Variants in VPS13A observed in about 807,000 individuals in gnomAD.
VPS13A encodes intermembrane lipid transfer protein VPS13A.
Under a neutral mutation model 390.9 loss-of-function variants are expected in VPS13A, and 264 were observed. That is an observed-to-expected ratio of 0.68 (90% CI 0.61 to 0.75). VPS13A has a LOEUF of 0.75. VPS13A is among the 30% of genes least tolerant of loss of function. The pLI, the probability that VPS13A is intolerant of heterozygous loss-of-function variation, is 0.00. For synonymous variants in VPS13A, 1,231 were observed against 1,227.1 expected, an observed-to-expected ratio of 1.00 and a Z score of -0.07; for missense variants, 3,409 against 3,733.9, an observed-to-expected ratio of 0.91 and a Z score of 2.27.
intron 45 of VPS13A, among the ~76,000 whole-genome samples, chr9:77,326,803 C>T (rs1168179101): frequency 6.6e-6 from 1 of 152,054 alleles, no homozygotes; most frequent in African/African-American, 2.4e-5. Flanking sequence ...TATATCAGAA[C>T]CAGACTTCAT....
At chr9:77,382,287 A>C (rs982055078) in intron 68 of VPS13A, 200 bp downstream of exon 68, 8 of 1,527,406 alleles carry the variant, frequency 5.2e-6, no homozygotes, top group Non-Finnish European at 7.0e-6. Context: ...AGGCATCAAA[A>C]AGTTTGATAT....
intron 1 of VPS13A, among the ~76,000 whole-genome samples, chr9:77,179,634 A>G (rs1294496914): frequency 1.3e-5 from 2 of 151,000 alleles, no homozygotes; most frequent in Non-Finnish European, 2.9e-5. Flanking sequence ...TGTGAACATA[A>G]TTGTTATTTC....
At chr9:77,381,513 A>G (rs925916025) in intron 67 of VPS13A, among the ~76,000 whole-genome samples, 9 of 152,164 alleles carry the variant, frequency 5.9e-5, no homozygotes, top group African/African-American at 1.9e-4. Context: ...AAGATTTTCA[A>G]AAACAGTAAC....
intron 68 of VPS13A, chr9:77,382,436 A>T: frequency 2.9e-6 from 4 of 1,402,684 alleles, no homozygotes; most frequent in Non-Finnish European, 3.7e-6. Flanking sequence ...AGGAATTTTA[A>T]TGAATCTGGT....
At chr9:77,301,486 G>T (rs532469541) in intron 33 of VPS13A, among the ~76,000 whole-genome samples, 10 of 152,212 alleles carry the variant, frequency 6.6e-5, no homozygotes, top group African/African-American at 2.4e-4. Context: ...TAAATGGCTT[G>T]GTACAAGGCA....
At chr9:77,366,974 C>T (rs1832465074) in intron 61 of VPS13A, 102 bp downstream of exon 61, 1 of 1,245,222 alleles carries the variant, frequency 8.0e-7, no homozygotes, top group Non-Finnish European at 1.1e-6. Flanking sequence ...CGTTGCAGAT[C>T]ATAGGCAAAA....
intron 59 of VPS13A, among the ~76,000 whole-genome samples, chr9:77,362,547 T>C (rs1017274402): frequency 5.3e-5 from 8 of 152,246 alleles, no homozygotes; most frequent in South Asian, 2.1e-4. Context: ...TTGGGACATA[T>C]GTATCTTCCT....
At chr9:77,313,896 C>T (rs1829233419) in intron 35 of VPS13A, 96 bp from the exon 36 acceptor site, 11 of 1,286,040 alleles carry the variant, frequency 8.6e-6, no homozygotes, top group East Asian at 2.6e-5. Flanking sequence ...TTTTACTATA[C>T]CTGTTTAATA....
Position 77,318,290 on chromosome 9 carries a change from C to G in VPS13A, c.5012C>G (p.Thr1671Ser). Residue 1671 changes from threonine (T) to serine (S), a missense_variant, in exon 41 of 72, where the codon ACT becomes AGT. Thr to Ser is a moderately conservative substitution (Grantham distance 58). Around this residue, in one of 5 missense-constraint regions of VPS13A, gnomAD observed 2,717 missense variants for 2,917.4 expected, o/e 0.93. Transcript: ENST00000360280. Reference sequence around the variant, plus strand: ...ACCATAACTTCAGCACTGTATACAACTAAGGAAACCATCCCAGAAGAAACG... The same window carrying G: ...ACCATAACTTCAGCACTGTATACAAGTAAGGAAACCATCCCAGAAGAAACG... ...MITITSALYT[T>S]KETIPEETAS... The G allele has an allele frequency of 6.2e-7, 1 of 1,609,404 alleles. No homozygotes were observed. The highest frequency in any genetic ancestry group is 8.5e-7 in the Non-Finnish European group (1 of 1,178,752).
chr9:77,283,630 A>G lies in VPS13A; in HGVS notation c.3319A>G (p.Ile1107Val). 6.2e-7 allele frequency: 1 copy of G among 1,608,004 alleles called. No individual in the cohort carries two copies. The highest frequency in any genetic ancestry group is 8.5e-7 in the Non-Finnish European group (1 of 1,175,374). ...GAATATAATTGTTTTAGATTCTGAT[A>G]TAACAGCTATATACAAAAAGGTAAG... Reference protein sequence around the residue: ...LRNIIVLDSDITAIYKKAVYI... With the variant: ...LRNIIVLDSDVTAIYKKAVYI... Residue 1107 changes from isoleucine (I) to valine (V), a missense_variant, in exon 31 of 72, where the codon ATA becomes GTA. Around this residue, in one of 5 missense-constraint regions of VPS13A, gnomAD observed 2,717 missense variants for 2,917.4 expected, o/e 0.93. Coordinates refer to ENST00000360280, the MANE Select transcript of VPS13A (RefSeq NM_033305.3).
At chr9:77,346,866 A>G (rs1831185952) in intron 52 of VPS13A, among the ~76,000 whole-genome samples, 1 of 152,238 alleles carries the variant, frequency 6.6e-6, no homozygotes, top group African/African-American at 2.4e-5. Flanking sequence ...CTTGTCTGTA[A>G]ACCATTAAGT....
chr9:77,311,798 GT>G (rs1262701928), intron 35 of VPS13A, among the ~76,000 whole-genome samples: 1 of 152,162 alleles, frequency 6.6e-6, no homozygotes, highest in African/African-American at 2.4e-5. Context: ...TTCCTGGAAT[GT>G]TTACAAAGAT....
intron 61 of VPS13A, 80 bp downstream of exon 61, chr9:77,366,952 G>T (rs1258050766): frequency 3.4e-6 from 5 of 1,461,346 alleles, no homozygotes; most frequent in Non-Finnish European, 4.7e-6. Flanking sequence ...AAATGAAAAA[G>T]TGTGTGAAGT....
Position 77,317,315 on chromosome 9 carries a change from A to G in VPS13A, c.4864-291A>G, listed in dbSNP as rs78551474. 0.018 allele frequency among the ~76,000 whole-genome samples: 2,792 copies of G among 152,020 alleles called. 39 individuals carry two copies. Among genetic ancestry groups the G allele is most frequent in the Middle Eastern group, 0.048 (14 of 294 alleles). On this transcript the variant is annotated intron_variant, in intron 39 of 71. Coordinates refer to ENST00000360280, the MANE Select transcript of VPS13A (RefSeq NM_033305.3). Reference sequence around the variant, plus strand: ...TCTATTCACATCTTTTTTGGCTTGAATATAGCTGTATGACCACACTTTACT... The same window carrying G: ...TCTATTCACATCTTTTTTGGCTTGAGTATAGCTGTATGACCACACTTTACT...
intron 26 of VPS13A, among the ~76,000 whole-genome samples, chr9:77,277,577 A>G (rs1456240811): frequency 6.6e-6 from 1 of 152,068 alleles, no homozygotes; most frequent in African/African-American, 2.4e-5. Flanking sequence ...TGCTCCACCT[A>G]TTTGTCCCTC....
At chr9:77,367,934 A>G (rs1487090763) in intron 61 of VPS13A, 121 bp from the exon 62 acceptor site, 1 of 917,562 alleles carries the variant, frequency 1.1e-6, no homozygotes, top group Non-Finnish European at 1.7e-6. Context: ...TTGGCATGGG[A>G]AAATGTACTA....
chr9:77,216,077 A>G (rs1822845001), intron 10 of VPS13A, among the ~76,000 whole-genome samples: 1 of 152,180 alleles, frequency 6.6e-6, no homozygotes, highest in Non-Finnish European at 1.5e-5. Context: ...TATTGAATGA[A>G]CATACTGGAA....
intron 59 of VPS13A, among the ~76,000 whole-genome samples, chr9:77,363,687 A>G (rs1832278696): frequency 2.0e-5 from 3 of 152,146 alleles, no homozygotes; most frequent in Admixed American, 1.3e-4. Flanking sequence ...CCTGCAAACT[A>G]TTAGGTCTAC....
chr9:77,342,023 G>A (rs1031892522), intron 50 of VPS13A, among the ~76,000 whole-genome samples: 2 of 152,048 alleles, frequency 1.3e-5, no homozygotes, highest in Non-Finnish European at 2.9e-5. Flanking sequence ...AAGGGACATT[G>A]AGAGTTCAAG....
Sources: allele counts gnomAD v4.1 joint callset (sites outside exome capture counted in the v4.1 genomes callset), GRCh38; gene constraint gnomAD v4.1.1; regional missense constraint gnomAD v4.1.1; transcripts MANE v1.5; gene names NCBI Gene and HGNC (gene_info 2026-07-23, HGNC 2026-07-21).